The following TSC22D3 variants were observed in gnomAD, a reference collection of about 807,000 sequenced individuals.
TSC22D3 encodes the protein TSC22 domain family member 3.
Under a neutral mutation model 11.1 loss-of-function variants are expected in TSC22D3, and 4 were observed. That is an observed-to-expected ratio of 0.36 (90% CI 0.18 to 0.83). TSC22D3 has a LOEUF of 0.83. Ranked by LOEUF, TSC22D3 falls within the 40% of genes least tolerant of loss-of-function variation. The pLI is 0.48. For missense variants in TSC22D3, 118 were observed against 159.4 expected (o/e 0.74, Z 1.40); for synonymous variants, 77 against 70.3 (o/e 1.10, Z -0.48).
chrX:107,757,059 G>C (rs1185484880), intron 1 of TSC22D3, among the ~76,000 whole-genome samples: 1 of 112,345 alleles, frequency 8.9e-6, no homozygotes, highest in African/African-American at 3.2e-5. Context: ...AAAGCATTCT[G>C]TGGGCAAGAT....
At chrX:107,750,039 T>C (rs1928866698) in intron 1 of TSC22D3, among the ~76,000 whole-genome samples, 1 of 111,457 alleles carries the variant, frequency 9.0e-6, no homozygotes, top group African/African-American at 3.3e-5. Context: ...TAGTCCCAGC[T>C]ATTTGGGAGG....
At chrX:107,740,804 C>T (rs1366587478) in intron 1 of TSC22D3, among the ~76,000 whole-genome samples, 1 of 110,669 alleles carries the variant, frequency 9.0e-6, no homozygotes, top group Non-Finnish European at 1.9e-5. Flanking sequence ...CCAAACTCTG[C>T]TAAAGAATGA....
At chrX:107,746,736 A>C (rs1298872322) in intron 1 of TSC22D3, among the ~76,000 whole-genome samples, 1 of 112,324 alleles carries the variant, frequency 8.9e-6, no homozygotes, top group Non-Finnish European at 1.9e-5. Flanking sequence ...GTCCTGACAT[A>C]TGTACGGAGT....
At chrX:107,723,852 G>T (rs146918220) in intron 1 of TSC22D3, among the ~76,000 whole-genome samples, 1 of 112,711 alleles carries the variant, frequency 8.9e-6, no homozygotes, top group Non-Finnish European at 1.9e-5. Flanking sequence ...GGGGATGGGG[G>T]TGCAGCAGAC....
chrX:107,775,082 G>A lies in TSC22D3; in HGVS notation c.320+18C>T. On this transcript the variant is annotated intron_variant, in intron 1 of 2. Transcript: ENST00000372383. ...TGGGAGCAAGGACCGAGTTGCCGCC[G>A]TGTGCCGAGCCACCCACCTGTGGAA... The A allele has an allele frequency of 1.7e-6, 2 of 1,205,761 alleles. No individual in the cohort carries two copies. Among genetic ancestry groups the A allele is most frequent in the Non-Finnish European group, 2.2e-6 (2 of 891,994 alleles).
At chrX:107,741,365 C>A (rs763777034) in intron 1 of TSC22D3, among the ~76,000 whole-genome samples, 1 of 112,606 alleles carries the variant, frequency 8.9e-6, no homozygotes, top group African/African-American at 3.2e-5. Flanking sequence ...TCAACCACAC[C>A]CCAGCAAGGG....
At chrX:107,727,894 AC>A (rs1369300432) in intron 1 of TSC22D3, among the ~76,000 whole-genome samples, 1 of 112,305 alleles carries the variant, frequency 8.9e-6, no homozygotes, top group African/African-American at 3.2e-5. Context: ...AATTTGCACA[AC>A]GTTTTGACCC....
chrX:107,714,631 T>C lies in TSC22D3; in HGVS notation c.491A>G (p.Lys164Arg). The C allele has an allele frequency of 8.3e-7, 1 of 1,211,681 alleles. No individual in the cohort carries two copies. The highest frequency in any genetic ancestry group is 1.7e-5 in the African/African-American group (1 of 57,697). Residue 164 changes from lysine (K) to arginine (R), a missense_variant, in exon 3 of 3, where the codon AAG becomes AGG. Lys to Arg is a conservative substitution (Grantham distance 26). Coordinates refer to ENST00000372383, the MANE Select transcript of TSC22D3 (RefSeq NM_198057.3). ...SQLERENTLL[K>R]TLASPEQLEK... ...CAGCTGCTCTGGGCTTGCCAGGGTC[T>C]TCAACAGGGTGTTCTCACGCTCTAG...
chrX:107,741,404 C>T (rs756851031), intron 1 of TSC22D3, among the ~76,000 whole-genome samples: 1 of 112,715 alleles, frequency 8.9e-6, no homozygotes, highest in Non-Finnish European at 1.9e-5. Context: ...AGCTCTCCCC[C>T]ACTCCCACAT....
At chrX:107,715,462 G>A (rs1353868919) in intron 2 of TSC22D3, among the ~76,000 whole-genome samples, 2 of 112,402 alleles carry the variant, frequency 1.8e-5, no homozygotes, top group Non-Finnish European at 3.8e-5. Context: ...ACCTCTACCT[G>A]GTAAGGAGAG....
chrX:107,716,061 T>G, intron 1 of TSC22D3, 111 bp from the exon 2 acceptor site: 1 of 874,678 alleles, frequency 1.1e-6, no homozygotes, highest in South Asian at 2.4e-5. Context: ...CTCTCTCTCC[T>G]TCTCGCCTCC....
chrX:107,763,245 T>C (rs1352102226), intron 1 of TSC22D3, among the ~76,000 whole-genome samples: 3 of 111,697 alleles, frequency 2.7e-5, no homozygotes. Flanking sequence ...TCAATAATCT[T>C]AGTTCCTTTA....
intron 1 of TSC22D3, among the ~76,000 whole-genome samples, chrX:107,773,990 C>G (rs1460360439): frequency 8.9e-6 from 1 of 112,071 alleles, no homozygotes; most frequent in Non-Finnish European, 1.9e-5. Flanking sequence ...TAAAAGGAAC[C>G]TTGGAGAGAC....
At chrX:107,750,332 C>T (rs1465187024) in intron 1 of TSC22D3, among the ~76,000 whole-genome samples, 1 of 109,140 alleles carries the variant, frequency 9.2e-6, no homozygotes, top group African/African-American at 3.4e-5. Context: ...GTGGTCCCAC[C>T]ATGAATAAGC....
intron 1 of TSC22D3, among the ~76,000 whole-genome samples, chrX:107,734,045 C>T (rs1165352352): frequency 8.9e-6 from 1 of 112,271 alleles, no homozygotes; most frequent in African/African-American, 3.2e-5. Context: ...CTGAGTTTCT[C>T]TGGTCTCACC....
chrX:107,760,754 G>A (rs1238851104), intron 1 of TSC22D3, among the ~76,000 whole-genome samples: 1 of 112,417 alleles, frequency 8.9e-6, no homozygotes, highest in Admixed American at 9.4e-5. Context: ...TTGATCTCTG[G>A]TAAAAATTTC....
intron 1 of TSC22D3, among the ~76,000 whole-genome samples, chrX:107,770,267 G>A (rs1929850172): frequency 8.9e-6 from 1 of 112,036 alleles, no homozygotes; most frequent in South Asian, 3.7e-4. Context: ...ATCTTAAATA[G>A]TATGAACTTA....
chrX:107,775,487 C>A lies in TSC22D3; in HGVS notation c.-68G>T. 3 of 957,581 alleles carry A rather than the reference C, an allele frequency of 3.1e-6. No individual in the cohort carries two copies. The highest frequency in any genetic ancestry group is 6.4e-5 in the Admixed American group (2 of 31,275). The allele number at this position is 957,581 out of a possible 1,213,427, so 78.9% of individuals were successfully genotyped here. ...GGCTGGCAGGTGCGCGCCCACCGAG[C>A]TGGCCTGAGGGGACTCCAGGGTGCC... On this transcript the variant is annotated 5_prime_UTR_variant, in exon 1 of 3. Transcript: ENST00000372383.
At chrX:107,765,637 T>A (rs1439214120) in intron 1 of TSC22D3, among the ~76,000 whole-genome samples, 2 of 112,719 alleles carry the variant, frequency 1.8e-5, no homozygotes, top group Non-Finnish European at 3.7e-5. Flanking sequence ...GGCAGGCAGA[T>A]TATGTTGCCT....
Sources: allele counts gnomAD v4.1 joint callset (sites outside exome capture counted in the v4.1 genomes callset), GRCh38; gene constraint gnomAD v4.1.1; transcripts MANE v1.5; gene names NCBI Gene and HGNC (gene_info 2026-07-23, HGNC 2026-07-21).